The following HDLBP variants were observed in gnomAD, a reference collection of about 807,000 sequenced individuals.
HDLBP encodes the protein high density lipoprotein binding protein, also known as vigilin.
HDLBP carries 30 observed loss-of-function variants against 137.3 expected under a neutral mutation model. The observed-to-expected ratio is 0.22, with a 90% CI of 0.16 to 0.30. HDLBP has a LOEUF of 0.30. Among genes scored for constraint, HDLBP ranks in the 10% least tolerant of loss-of-function variants. The pLI is 1.00. For missense variants in HDLBP, 1,119 were observed against 1,667.3 expected (o/e 0.67, Z 5.73); for synonymous variants, 606 against 596.0 (o/e 1.02, Z -0.24).
At chr2:241,299,467 C>T (rs2075310591) in intron 1 of HDLBP, among the ~76,000 whole-genome samples, 1 of 132,702 alleles carries the variant, frequency 7.5e-6, no homozygotes, top group African/African-American at 2.9e-5. Context: ...TTGCAGTGAG[C>T]CAAGATGGCA....
chr2:241,301,715 T>C (rs1298870560), intron 1 of HDLBP, among the ~76,000 whole-genome samples: 2 of 152,070 alleles, frequency 1.3e-5, no homozygotes, highest in Non-Finnish European at 2.9e-5. Context: ...AACTGTCGAA[T>C]GGTTACAGCA....
Position 241,255,491 on chromosome 2 carries a change from G to T in HDLBP, c.963C>A (p.Ile321=). 1 of 1,613,878 alleles carries T rather than the reference G, an allele frequency of 6.2e-7. No homozygotes were observed. Among genetic ancestry groups the T allele is most frequent in the Non-Finnish European group, 8.5e-7 (1 of 1,179,750 alleles). ...CAACGGAAACTCCAGTTCTCTCAAG[G>T]ATCTCCTGCAATGAATTGCCCTTGG... ...IGPKGNSLQE[I]LERTGVSVEI... is the part of the protein sequence containing the mutation. Residue 321 remains isoleucine, a synonymous_variant, in exon 8 of 28, where the codon ATC becomes ATA. Coordinates refer to ENST00000310931, the MANE Select transcript of HDLBP (RefSeq NM_005336.6).
intron 1 of HDLBP, among the ~76,000 whole-genome samples, chr2:241,291,885 A>G (rs1165034294): frequency 1.3e-5 from 2 of 152,214 alleles, no homozygotes; most frequent in Non-Finnish European, 2.9e-5. Context: ...ACGAGCTGGA[A>G]AAGGCCAGGA....
intron 1 of HDLBP, among the ~76,000 whole-genome samples, chr2:241,314,446 G>C (rs188660788): frequency 1.8e-4 from 28 of 152,280 alleles, no homozygotes; most frequent in Admixed American, 1.7e-3. Context: ...TCCTTAAGCA[G>C]ACACCAAATA....
chr2:241,282,889 T>A (rs1238148205), intron 1 of HDLBP, among the ~76,000 whole-genome samples: 2 of 152,148 alleles, frequency 1.3e-5, no homozygotes, highest in East Asian at 3.8e-4. Context: ...TGCTTCTAAG[T>A]GTTCAAGTGA....
chr2:241,255,603 GCAGT>G, intron 7 of HDLBP, 23 bp from the exon 8 acceptor site: 2 of 1,587,598 alleles, frequency 1.3e-6, no homozygotes, highest in Non-Finnish European at 1.7e-6. Context: ...ACCATAAGGG[GCAGT>G]CAAAGGGAAA....
intron 4 of HDLBP, among the ~76,000 whole-genome samples, 163 bp downstream of exon 4, chr2:241,264,285 C>T (rs2073467545): frequency 6.6e-6 from 1 of 151,134 alleles, no homozygotes; most frequent in Non-Finnish European, 1.5e-5. Flanking sequence ...TGGCGTGAAC[C>T]CGGGAGGCGG....
chr2:241,273,257 A>G (rs6705421), intron 1 of HDLBP: 544,273 of 984,306 alleles, frequency 0.55, 151,852 homozygotes, highest in East Asian at 0.78. Flanking sequence ...AGGCGGCTCC[A>G]GGGCTTTCAT....
Position 241,272,243 on chromosome 2 carries a change from CCCG to C in HDLBP, c.-102-3705_-102-3703del, listed in dbSNP as rs2074115542. ...GCCCGGTCTGCGCCCAGACCCCCGC[CCCG>C]CCGCCACCTGGGGGGAAGGACCCCG... On this transcript the variant is annotated intron_variant, in intron 1 of 27. Transcript: ENST00000310931. This position sits in a 1 kb window ranked among gnomAD's most constrained non-coding sequence, Gnocchi z 5.6. The C allele has an allele frequency of 1.0e-6, 1 of 966,030 alleles. No homozygotes were observed. Among genetic ancestry groups the C allele is most frequent in the African/African-American group, 1.8e-5 (1 of 56,830 alleles). 59.8% of individuals were successfully genotyped at this position (966,030 alleles called of 1,614,324 possible).
chr2:241,287,420 C>CTT lies in HDLBP; in HGVS notation c.-102-18881_-102-18880dup, dbSNP rs57462994. On this transcript the variant is annotated intron_variant, in intron 1 of 27. Coordinates refer to ENST00000310931, the MANE Select transcript of HDLBP (RefSeq NM_005336.6). ...CCGCGCCCGGCCTATTTCTTTCTTTCTTTTTTTTTTTTTTTTCTGAGACAG... is the reference window on the plus strand; with the variant it reads ...CCGCGCCCGGCCTATTTCTTTCTTTCTTTTTTTTTTTTTTTTTTCTGAGACAG... Among the ~76,000 whole-genome samples, 45 of 135,390 alleles carry CTT rather than the reference C, an allele frequency of 3.3e-4. No individual in the cohort carries two copies. In the South Asian group the frequency reaches 4.1e-3, roughly 12 times the overall value. 88.8% of individuals were successfully genotyped at this position (135,390 alleles called of 152,430 possible).
chr2:241,315,490 T>C, intron 1 of HDLBP, 80 bp downstream of exon 1: 1 of 152,818 alleles, frequency 6.5e-6, no homozygotes, highest in Middle Eastern at 3.3e-3. Flanking sequence ...TCTCTCCTCC[T>C]CAGTGGGCAC....
chr2:241,255,539 G>A lies in HDLBP; in HGVS notation c.915C>T (p.Ser305=). The part of the protein sequence containing the change: ...TTTIAVEVKK[S]QHKYVIGPKG... ...TGGGCCCAATGACATACTTGTGTTG[G>A]GATTTCTTCACTTCCACTGCAATGG... The change falls in exon 8 of 28, where the codon TCC becomes TCT. Residue 305 remains serine, a synonymous_variant. Coordinates refer to ENST00000310931, the MANE Select transcript of HDLBP (RefSeq NM_005336.6). 6.2e-7 allele frequency: 1 copy of A among 1,614,094 alleles called. No individual in the cohort carries two copies. The highest frequency in any genetic ancestry group is 8.5e-7 in the Non-Finnish European group (1 of 1,179,960).
intron 1 of HDLBP, among the ~76,000 whole-genome samples, chr2:241,283,124 TTGAG>T (rs2074670077): frequency 6.6e-6 from 1 of 152,132 alleles, no homozygotes; most frequent in African/African-American, 2.4e-5. Flanking sequence ...AGGAGAAAGT[TTGAG>T]TGGTCTGGCT....
At chr2:241,267,815 T>C in intron 2 of HDLBP, 1 of 1,466,340 alleles carries the variant, frequency 6.8e-7, no homozygotes, top group Non-Finnish European at 9.0e-7. Context: ...CTCCCATCCC[T>C]CCAGGTGTGG....
At chr2:241,297,094 A>C (rs1373739318) in intron 1 of HDLBP, among the ~76,000 whole-genome samples, 3 of 143,082 alleles carry the variant, frequency 2.1e-5, no homozygotes, top group Non-Finnish European at 4.6e-5. Context: ...GCAAAAAGAG[A>C]GCGTGTAGGA....
intron 1 of HDLBP, among the ~76,000 whole-genome samples, chr2:241,307,602 C>T (rs1052369485): frequency 3.3e-5 from 5 of 152,148 alleles, no homozygotes; most frequent in African/African-American, 1.2e-4. Flanking sequence ...GGCAACCCCC[C>T]CATGAGGCTT....
chr2:241,264,673 G>T, intron 3 of HDLBP, 68 bp from the exon 4 acceptor site: 2 of 1,451,682 alleles, frequency 1.4e-6, no homozygotes, highest in Non-Finnish European at 1.9e-6. Flanking sequence ...ACTTTTAAGG[G>T]TTTTAGTGCT....
At chr2:241,275,942 G>A (rs1202043594) in intron 1 of HDLBP, among the ~76,000 whole-genome samples, 1 of 152,106 alleles carries the variant, frequency 6.6e-6, no homozygotes, top group Non-Finnish European at 1.5e-5. Context: ...AAGCCAGAGA[G>A]ACCAGAAAGA....
intron 21 of HDLBP, 162 bp downstream of exon 21, chr2:241,236,453 A>AC: frequency 2.8e-6 from 2 of 705,902 alleles, no homozygotes; most frequent in Non-Finnish European, 4.8e-6. Context: ...CTCTGTGTCC[A>AC]GCCGAGAAGC....
Sources: allele counts gnomAD v4.1 joint callset (sites outside exome capture counted in the v4.1 genomes callset), GRCh38; gene constraint gnomAD v4.1.1; non-coding constraint Gnocchi (gnomAD v3.1); transcripts MANE v1.5; gene names NCBI Gene and HGNC (gene_info 2026-07-23, HGNC 2026-07-21).